Variants in AKR1C3 observed in about 807,000 individuals in gnomAD.
The protein encoded by AKR1C3 is 3-alpha hydroxysteroid dehydrogenase, type II.
In AKR1C3, 48 loss-of-function variants were observed where a neutral mutation model predicts 43.6. The ratio of observed to expected loss-of-function variants is 1.10; its 90% CI spans 0.87 to 1.40. AKR1C3 has a LOEUF of 1.40. AKR1C3 is among the 40% of genes most tolerant of loss of function. The probability of loss-of-function intolerance (pLI) is 0.00; values close to 1 mark genes in which losing one functional copy is unlikely to be tolerated. For missense variants in AKR1C3, 482 were observed against 391.2 expected, an observed-to-expected ratio of 1.23 and a Z score of -1.96; for synonymous variants, 162 against 139.6, an observed-to-expected ratio of 1.16 and a Z score of -1.13.
rs181996749 is a variant in AKR1C3, at chr10:5,080,653, A to G, written c.85-15757A>G. ...AACAAACAAACAAACAAACAAACAA[A>G]GATTTCACAGAGCCTGCCATTGAAT... On this transcript the variant is annotated intron_variant, in intron 1 of 8. Coordinates refer to the AKR1C3 transcript ENST00000439082. 1.8e-3 allele frequency: 271 copies of G among 152,660 alleles called. 1 individual carries two copies. Among genetic ancestry groups the G allele is most frequent in the Non-Finnish European group, 3.1e-3 (209 of 68,422 alleles). 9.5% of individuals were successfully genotyped at this position (152,660 alleles called of 1,614,324 possible).
chr10:5,097,686 C>A (rs1465375814), intron 3 of AKR1C3, 136 bp downstream of exon 3: 1 of 1,532,878 alleles, frequency 6.5e-7, no homozygotes, highest in Non-Finnish European at 8.7e-7. Context: ...AGTGGAACAC[C>A]TAATTTCCTT....
intron 1 of AKR1C3, among the ~76,000 whole-genome samples, chr10:5,056,292 G>A (rs557067898): frequency 6.6e-6 from 1 of 152,256 alleles, no homozygotes; most frequent in East Asian, 1.9e-4. Flanking sequence ...GAGTCAGAGT[G>A]CAGGGGAATA....
chr10:5,102,621 A>C lies in AKR1C3; in HGVS notation c.817A>C (p.Asn273His). 1 of 1,502,042 alleles carries C rather than the reference A, an allele frequency of 6.7e-7. No individual in the cohort carries two copies. The highest frequency in any genetic ancestry group is 8.9e-7 in the Non-Finnish European group (1 of 1,124,008). The allele number at this position is 1,502,042 out of a possible 1,614,324, so 93.0% of individuals were successfully genotyped here. Residue 273 changes from asparagine (N) to histidine (H), a missense_variant, in exon 7 of 9, where the codon AAT becomes CAT. Asn to His is a moderately conservative substitution (Grantham distance 68, BLOSUM62 1). Coordinates refer to ENST00000380554, the MANE Select transcript of AKR1C3 (RefSeq NM_003739.6). ...GGTTGTGGTCCTGGCCAAGAGCTAC[A>C]ATGAGCAGCGCATCAGACAGAACGT... ...RGVVVLAKSY[N>H]EQRIRQNVQV...
intron 5 of AKR1C3, 22 bp from the exon 6 acceptor site, chr10:5,102,079 T>C (rs1443974862): frequency 3.5e-6 from 5 of 1,429,558 alleles, no homozygotes; most frequent in Non-Finnish European, 3.9e-6. Flanking sequence ...AATTGATGCT[T>C]CTCTCTTTTG....
chr10:5,097,489 T>C lies in AKR1C3; in HGVS notation c.308T>C (p.Leu103Pro), dbSNP rs577759811. Residue 103 changes from leucine (L) to proline (P), a missense_variant, in exon 3 of 9, where the codon CTG (leucine) becomes CCG (proline). Physicochemically the swap from Leu to Pro is moderately conservative, Grantham distance 98. Coordinates refer to ENST00000380554, the MANE Select transcript of AKR1C3 (RefSeq NM_003739.6). ...GTCCGACCAGCCTTGGAAAACTCACTGAAGAAAGCTCAATTGGACTATGTT... is the reference window on the plus strand; with the variant it reads ...GTCCGACCAGCCTTGGAAAACTCACCGAAGAAAGCTCAATTGGACTATGTT... ...ELVRPALENS[L>P]KKAQLDYVDL... is the part of the protein sequence containing the mutation. The C allele has an allele frequency of 6.2e-7, 1 of 1,613,892 alleles. No homozygotes were observed. The highest frequency in any genetic ancestry group is 1.1e-5 in the South Asian group (1 of 91,074).
At chr10:5,097,284 C>T (rs1222338576) in intron 2 of AKR1C3, 150 bp from the exon 3 acceptor site, 2 of 943,328 alleles carry the variant, frequency 2.1e-6, no homozygotes, top group Non-Finnish European at 3.2e-6. Context: ...TAGGTCAGAG[C>T]CAAAGGAATC....
At chr10:5,101,952 C>A (rs1839361607) in intron 5 of AKR1C3, 149 bp from the exon 6 acceptor site, 2 of 561,546 alleles carry the variant, frequency 3.6e-6, no homozygotes, top group South Asian at 5.5e-5. Context: ...AAATTTATTT[C>A]TATGAAAAAG....
chr10:5,053,752 AGG>A (rs1838203019), intron 1 of AKR1C3, among the ~76,000 whole-genome samples: 1 of 152,200 alleles, frequency 6.6e-6, no homozygotes, highest in Admixed American at 6.5e-5. Flanking sequence ...GGGGTAATGA[AGG>A]GGCCCTGCAG....
At chr10:5,055,218 C>A (rs1838235002) in intron 1 of AKR1C3, among the ~76,000 whole-genome samples, 2 of 152,208 alleles carry the variant, frequency 1.3e-5, no homozygotes, top group Admixed American at 6.5e-5. Context: ...GAACTGCCAA[C>A]TGTATATAGG....
At chr10:5,070,367 A>G (rs1204662645) in intron 1 of AKR1C3, among the ~76,000 whole-genome samples, 2 of 152,222 alleles carry the variant, frequency 1.3e-5, no homozygotes, top group Admixed American at 6.5e-5. Flanking sequence ...TGAAGCAACA[A>G]AAGTAGATAT....
upstream of AKR1C3, chr10:5,094,078 AAAG>A: frequency 5.9e-6 from 1 of 168,982 alleles, no homozygotes; most frequent in South Asian, 1.5e-4. Flanking sequence ...AGAAACGAAA[AAAG>A]ATATTTGTAG....
chr10:5,102,114 C>T lies in AKR1C3; in HGVS notation c.584C>T (p.Pro195Leu), dbSNP rs151229504. Reference protein sequence around the residue: ...KPVCNQVECHPYFNRSKLLDF... With the variant: ...KPVCNQVECHLYFNRSKLLDF... ...GGTCAACTGCAGGTAGAATGTCATC[C>T]GTATTTCAACCGGAGTAAATTGCTA... Residue 195 changes from proline (P) to leucine (L), a missense_variant, in exon 6 of 9, where the codon CCG becomes CTG. By Grantham distance (98) the Pro-to-Leu change is moderately conservative. Transcript: ENST00000380554. 3.9e-4 allele frequency: 622 copies of T among 1,611,672 alleles called. 2 individuals are homozygous for T. The highest frequency in any genetic ancestry group is 2.2e-3 in the Middle Eastern group (13 of 6,038).
rs1554785776 is a variant in AKR1C3 at position 5,100,402 on chromosome 10, G to C, written c.570+953G>C. Among the ~76,000 whole-genome samples the C allele has an allele frequency of 2.0e-5, 3 of 152,308 alleles. No individual in the cohort carries two copies. The East Asian group carries it at 5.8e-4, about 29-fold the overall frequency. On this transcript the variant is annotated intron_variant, in intron 5 of 8. Coordinates refer to ENST00000380554, the MANE Select transcript of AKR1C3 (RefSeq NM_003739.6). The stretch of plus-strand genomic sequence containing the variant: ...ATAGACCTGACCTATCACTGCCCAT[G>C]TCTTAGTCTGCTACTTCTCTTTGGG...
chr10:5,099,315 C>T lies in AKR1C3; in HGVS notation c.448-12C>T, dbSNP rs1839290526. On this transcript the variant is annotated splice_polypyrimidine_tract_variant and intron_variant, in intron 4 of 8. Transcript: ENST00000380554. ...CTGCACAAATAATTCCTCACAACCCCTTTCTCCACAGGCCATGGAGAAGTG... is the reference window on the plus strand; with the variant it reads ...CTGCACAAATAATTCCTCACAACCCTTTTCTCCACAGGCCATGGAGAAGTG... 1.2e-6 allele frequency: 2 copies of T among 1,614,136 alleles called. No homozygotes were observed. Among genetic ancestry groups the T allele is most frequent in the Non-Finnish European group, 1.7e-6 (2 of 1,180,016 alleles).
intron 1 of AKR1C3, among the ~76,000 whole-genome samples, chr10:5,057,175 C>A (rs1414560994): frequency 6.6e-6 from 1 of 152,158 alleles, no homozygotes; most frequent in Admixed American, 6.5e-5. Context: ...GATGAGGGGG[C>A]AGCTTGTTTC....
At chr10:5,050,842 T>A (rs1170044841) in intron 1 of AKR1C3, among the ~76,000 whole-genome samples, 1 of 152,202 alleles carries the variant, frequency 6.6e-6, no homozygotes, top group Non-Finnish European at 1.5e-5. Flanking sequence ...ACCAAATATG[T>A]TTCATAAGGT....
chr10:5,097,312 A>ATGTT (rs1398590427), intron 2 of AKR1C3, 122 bp from the exon 3 acceptor site: 3 of 1,160,650 alleles, frequency 2.6e-6, no homozygotes, highest in Non-Finnish European at 3.7e-6. Flanking sequence ...GGAAGAGAAT[A>ATGTT]TGTTTGCCAG....
chr10:5,097,427 T>C lies in AKR1C3; in HGVS notation c.253-7T>C. ...TCAAAATCACCTCCATTCTTTAACC[T>C]CTGCAGCTTTGGTCCACTTTTCATC... On this transcript the variant is annotated splice_region_variant and splice_polypyrimidine_tract_variant and intron_variant, in intron 2 of 8. Coordinates refer to ENST00000380554, the MANE Select transcript of AKR1C3 (RefSeq NM_003739.6). The C allele has an allele frequency of 6.2e-7, 1 of 1,613,198 alleles. No individual in the cohort carries two copies. The highest frequency in any genetic ancestry group is 1.7e-4 in the Middle Eastern group (1 of 6,052).
chr10:5,097,614 A>G, intron 3 of AKR1C3, 64 bp downstream of exon 3: 1 of 1,608,864 alleles, frequency 6.2e-7, no homozygotes, highest in Admixed American at 1.7e-5. Flanking sequence ...GTTTATCTGG[A>G]TAGTTGAACA....
Sources: gnomAD v4.1 joint callset for allele counts (sites outside exome capture counted in the v4.1 genomes callset) on GRCh38, gnomAD v4.1.1 for gene constraint, MANE v1.5 for transcripts, NCBI Gene and HGNC (gene_info 2026-07-23, HGNC 2026-07-21) for gene names.